The following BLTP3B variants were observed in gnomAD, a reference collection of about 807,000 sequenced individuals.
The protein encoded by BLTP3B is bridge-like lipid transfer protein family member 3B, also known as UHRF1 (ICBP90) binding protein 1-like.
the BLTP3B span, among the ~76,000 whole-genome samples, chr12:100,135,991 T>C: frequency 2.6e-5 from 4 of 152,084 alleles, no homozygotes. Flanking sequence ...AGTGGGTGGA[T>C]CACAAGGTCA....
At chr12:100,111,316 C>T in the BLTP3B span, among the ~76,000 whole-genome samples, 2 of 112,364 alleles carry the variant, frequency 1.8e-5, no homozygotes, top group Non-Finnish European at 3.4e-5. Flanking sequence ...TTTTTTGAGA[C>T]ACGGTCTCGC....
the BLTP3B span, chr12:100,095,779 CATA>C: frequency 3.1e-6 from 5 of 1,613,314 alleles, no homozygotes; most frequent in Non-Finnish European, 3.4e-6. Context: ...AGTCAAAACC[CATA>C]ATAAGTCATC....
the BLTP3B span, among the ~76,000 whole-genome samples, chr12:100,082,312 T>G: frequency 2.6e-5 from 4 of 152,256 alleles, no homozygotes; most frequent in South Asian, 8.3e-4. Flanking sequence ...AAGACCTTTG[T>G]CAGATAAATA....
the BLTP3B span, among the ~76,000 whole-genome samples, chr12:100,128,368 ACTACAGGG>A: frequency 6.6e-6 from 1 of 152,130 alleles, no homozygotes; most frequent in Non-Finnish European, 1.5e-5. Flanking sequence ...AAAGACACTG[ACTACAGGG>A]CGAGACTCAG....
At chr12:100,076,568 A>AT in the BLTP3B span, among the ~76,000 whole-genome samples, 355 of 151,780 alleles carry the variant, frequency 2.3e-3, 8 homozygotes, top group East Asian at 0.04. Context: ...TAATTTTTGT[A>AT]TTTTTACTAG....
the BLTP3B span, among the ~76,000 whole-genome samples, chr12:100,046,594 G>GAGGGAT: frequency 6.8e-6 from 1 of 146,428 alleles, no homozygotes; most frequent in East Asian, 2.1e-4. Context: ...GGGCTGGGGG[G>GAGGGAT]AGGGATAGGG....
At chr12:100,048,081 C>T in the BLTP3B span, 1 of 1,613,206 alleles carries the variant, frequency 6.2e-7, no homozygotes, top group East Asian at 2.2e-5. Context: ...TGTGGCACTG[C>T]AGAAATCCAT....
At chr12:100,057,946 T>C in the BLTP3B span, 1 of 1,453,386 alleles carries the variant, frequency 6.9e-7, no homozygotes, top group Non-Finnish European at 9.2e-7. Flanking sequence ...TGAGCTTTTC[T>C]GCCTCAAAAC....
the BLTP3B span, among the ~76,000 whole-genome samples, chr12:100,104,204 CTTTTTT>C: frequency 2.0e-4 from 26 of 131,656 alleles, no homozygotes; most frequent in African/African-American, 7.3e-4. Context: ...TTCTTTTTTT[CTTTTTT>C]TTTTTTTTTT....
the BLTP3B span, among the ~76,000 whole-genome samples, chr12:100,056,551 A>G: frequency 6.6e-6 from 1 of 152,034 alleles, no homozygotes; most frequent in Non-Finnish European, 1.5e-5. Context: ...ACAGAAAGTA[A>G]TTCAGGCCAG....
the BLTP3B span, among the ~76,000 whole-genome samples, chr12:100,080,803 C>T: frequency 7.5e-6 from 1 of 133,936 alleles, no homozygotes; most frequent in East Asian, 1.9e-4. Context: ...AATCTGAGGA[C>T]ATAAGATTTG....
At chr12:100,139,757 CA>C in the BLTP3B span, among the ~76,000 whole-genome samples, 1 of 152,162 alleles carries the variant, frequency 6.6e-6, no homozygotes, top group African/African-American at 2.4e-5. Context: ...AGCCTCAAGA[CA>C]AAAATCCCTG....
the BLTP3B span, chr12:100,051,304 G>A: frequency 1.6e-6 from 2 of 1,265,948 alleles, no homozygotes; most frequent in African/African-American, 1.5e-5. Flanking sequence ...AACAAAAATG[G>A]ACTATCCCTT....
At chr12:100,076,945 G>C in the BLTP3B span, among the ~76,000 whole-genome samples, 1 of 152,154 alleles carries the variant, frequency 6.6e-6, no homozygotes, top group South Asian at 2.1e-4. Flanking sequence ...TGTGTTTGGT[G>C]TGGTTGCGTA....
the BLTP3B span, among the ~76,000 whole-genome samples, chr12:100,076,388 CTTTTTTT>C: frequency 9.1e-6 from 1 of 110,216 alleles, no homozygotes. Flanking sequence ...CCTCAGCAAT[CTTTTTTT>C]TTTTTTTTTT....
the BLTP3B span, among the ~76,000 whole-genome samples, chr12:100,074,094 A>G: frequency 6.6e-6 from 1 of 152,196 alleles, no homozygotes; most frequent in Non-Finnish European, 1.5e-5. Flanking sequence ...TTCGCTGACA[A>G]TATGATTCTA....
At chr12:100,122,178 G>T in the BLTP3B span, among the ~76,000 whole-genome samples, 1 of 152,076 alleles carries the variant, frequency 6.6e-6, no homozygotes. Context: ...TAAGGTATTA[G>T]AACCATGGCC....
the BLTP3B span, chr12:100,057,812 TAA>T: frequency 7.0e-7 from 1 of 1,437,706 alleles, no homozygotes; most frequent in Non-Finnish European, 9.3e-7. Flanking sequence ...AAAATACTTC[TAA>T]GAGAATTAAA....
At chr12:100,086,308 G>A in the BLTP3B span, 5 of 1,454,582 alleles carry the variant, frequency 3.4e-6, no homozygotes, top group South Asian at 5.8e-5. Flanking sequence ...TCTATAGTTA[G>A]CTGTGTAAAA....
Sources: gnomAD v4.1 joint callset for allele counts (sites outside exome capture counted in the v4.1 genomes callset) on GRCh38, gnomAD v4.1.1 for gene constraint, MANE v1.5 for transcripts, NCBI Gene and HGNC (gene_info 2026-07-23, HGNC 2026-07-21) for gene names.